The following NRCAM variants were observed in gnomAD, a reference collection of about 807,000 sequenced individuals.
NRCAM encodes neuronal cell adhesion molecule.
NRCAM carries 83 observed loss-of-function variants against 156.5 expected under a neutral mutation model. The observed-to-expected ratio is 0.53, with a 90% CI of 0.44 to 0.64. The LOEUF (loss-of-function observed/expected upper bound fraction) is 0.64. Ranked by LOEUF, NRCAM falls within the 30% of genes least tolerant of loss-of-function variation. The pLI, the probability that NRCAM is intolerant of heterozygous loss-of-function variation, is 0.00. For synonymous variants in NRCAM, 538 were observed against 563.9 expected, an observed-to-expected ratio of 0.95 and a Z score of 0.65; for missense variants, 1,417 against 1,597.3, an observed-to-expected ratio of 0.89 and a Z score of 1.92.
intron 28 of NRCAM, among the ~76,000 whole-genome samples, chr7:108,174,530 C>A (rs750233346): frequency 6.6e-6 from 1 of 152,232 alleles, no homozygotes; most frequent in East Asian, 1.9e-4. Context: ...ACTGGTCAAC[C>A]AGCAGCCAGG....
At chr7:108,193,147 C>T (rs2073096490) in intron 17 of NRCAM, among the ~76,000 whole-genome samples, 1 of 152,158 alleles carries the variant, frequency 6.6e-6, no homozygotes, top group African/African-American at 2.4e-5. Context: ...CTCAGCCTCC[C>T]AGGTAGCTGG....
intron 25 of NRCAM, among the ~76,000 whole-genome samples, chr7:108,179,290 A>G (rs947534192): frequency 1.3e-5 from 2 of 152,180 alleles, no homozygotes; most frequent in Admixed American, 1.3e-4. Flanking sequence ...TCTAAGGGAC[A>G]GTGAGATTGA....
chr7:108,184,378 T>G, intron 21 of NRCAM, 39 bp downstream of exon 21: 2 of 1,613,644 alleles, frequency 1.2e-6, no homozygotes, highest in Non-Finnish European at 1.7e-6. Flanking sequence ...ACTTTTTTAT[T>G]ATATTTCGTA....
chr7:108,194,528 T>C lies in NRCAM; in HGVS notation c.1464-100A>G, dbSNP rs1587638923. The C allele has an allele frequency of 1.0e-5, 8 of 778,624 alleles. No individual in the cohort carries two copies. The East Asian group carries it at 2.2e-4, about 21-fold the overall frequency. 48.2% of individuals were successfully genotyped at this position (778,624 alleles called of 1,614,324 possible). A position where few individuals can be genotyped will look rare whatever the true frequency, so the allele number is the denominator to read the frequency against. On this transcript the variant is annotated intron_variant, in intron 15 of 32. Coordinates refer to ENST00000379028, the MANE Select transcript of NRCAM (RefSeq NM_001037132.4). The stretch of plus-strand genomic sequence containing the variant: ...AAGGTCAACATGACCATGATGAATG[T>C]GAAAGTTGCAAGGCTAGAAGGATTG...
chr7:108,202,633 C>T (rs2078792873), intron 13 of NRCAM, among the ~76,000 whole-genome samples: 1 of 152,166 alleles, frequency 6.6e-6, no homozygotes, highest in East Asian at 1.9e-4. Context: ...GCCACTGAGC[C>T]CCTTAGTTTT....
At chr7:108,207,451 A>G in intron 13 of NRCAM, 77 bp downstream of exon 13, 1 of 1,434,124 alleles carries the variant, frequency 7.0e-7, no homozygotes, top group Non-Finnish European at 9.4e-7. Context: ...TTATTTTTTT[A>G]TCACCATTTA....
intron 3 of NRCAM, among the ~76,000 whole-genome samples, chr7:108,301,126 C>G (rs930676896): frequency 6.6e-6 from 1 of 152,074 alleles, no homozygotes; most frequent in Non-Finnish European, 1.5e-5. Flanking sequence ...GTAATGAATT[C>G]TCTAACATAA....
chr7:108,293,281 C>T (rs1457917943), intron 3 of NRCAM, among the ~76,000 whole-genome samples: 2 of 152,236 alleles, frequency 1.3e-5, no homozygotes, highest in African/African-American at 2.4e-5. Flanking sequence ...CGGGCGATCA[C>T]GGCTTGGCTA....
At position 108,155,101 on chromosome 7, in the gene NRCAM, T is replaced by TATATATACAC. The variant is rs1270777439; in HGVS notation, c.3677+4361_3677+4362insGTGTATATAT. On this transcript the variant is annotated intron_variant, in intron 32 of 32. Coordinates refer to ENST00000379028, the MANE Select transcript of NRCAM (RefSeq NM_001037132.4). Reference sequence around the variant, plus strand: ...GATTTAAAAGTCATATATATATATATACACACACACACACACACACACACA... The same window carrying TATATATACAC: ...GATTTAAAAGTCATATATATATATATATATATACACACACACACACACACACACACACACA... Among the ~76,000 whole-genome samples the TATATATACAC allele has an allele frequency of 2.0e-3, 249 of 123,086 alleles. 1 individual carries two copies. Among genetic ancestry groups the TATATATACAC allele is most frequent in the African/African-American group, 8.6e-3 (242 of 28,280 alleles). The allele number at this position is 123,086 out of a possible 152,430, so 80.7% of individuals were successfully genotyped here. A position where few individuals can be genotyped will look rare whatever the true frequency, so the allele number is the denominator to read the frequency against.
chr7:108,197,670 C>T (rs1420042985), intron 14 of NRCAM, among the ~76,000 whole-genome samples: 4 of 152,242 alleles, frequency 2.6e-5, no homozygotes, highest in South Asian at 2.1e-4. Context: ...CAGACAAATG[C>T]TATTTTCCTT....
chr7:108,368,724 A>AG (rs2099609598), intron 2 of NRCAM, among the ~76,000 whole-genome samples: 1 of 152,178 alleles, frequency 6.6e-6, no homozygotes, highest in Non-Finnish European at 1.5e-5. Flanking sequence ...TCCTCAAACC[A>AG]GAAAAAAAAA....
Position 108,316,527 on chromosome 7 carries a change from G to C in NRCAM, c.-173-3796C>G, listed in dbSNP as rs576379560. 7.2e-5 allele frequency among the ~76,000 whole-genome samples: 11 copies of C among 152,156 alleles called. No homozygotes were observed. The South Asian group carries it at 2.1e-3, about 29-fold the overall frequency. ...ACGGTGGCTCACGCCTGTAATCCCA[G>C]CACTTTGGGAGGCCGAAGCAGGCAG... On this transcript the variant is annotated intron_variant, in intron 2 of 32. Coordinates refer to ENST00000379028, the MANE Select transcript of NRCAM (RefSeq NM_001037132.4).
intron 8 of NRCAM, 114 bp downstream of exon 8, chr7:108,230,917 G>A (rs2272618): frequency 0.054 from 41,453 of 760,782 alleles, 1,684 homozygotes; most frequent in African/African-American, 0.14. Flanking sequence ...AAGAGCAGCT[G>A]TTTTCCTGAG....
intron 32 of NRCAM, chr7:108,150,602 A>ATTTTTT: frequency 6.9e-6 from 3 of 435,684 alleles, no homozygotes; most frequent in Admixed American, 2.9e-5. Context: ...TGAAATGTGG[A>ATTTTTT]TTTTTTTTTT....
At chr7:108,205,321 A>G (rs948891517) in intron 13 of NRCAM, among the ~76,000 whole-genome samples, 1 of 152,186 alleles carries the variant, frequency 6.6e-6, no homozygotes, top group African/African-American at 2.4e-5. Context: ...TGTGAGCAAT[A>G]TATTTCTGTT....
intron 1 of NRCAM, among the ~76,000 whole-genome samples, chr7:108,414,578 T>C (rs1340054951): frequency 6.6e-6 from 1 of 152,184 alleles, no homozygotes; most frequent in African/African-American, 2.4e-5. Context: ...ACTCTACCTA[T>C]GTAACAATAA....
intron 5 of NRCAM, chr7:108,234,986 T>C: frequency 2.1e-6 from 1 of 475,472 alleles, no homozygotes; most frequent in Non-Finnish European, 3.9e-6. Flanking sequence ...ACAGTTTCTT[T>C]TCTGATGTAA....
chr7:108,268,187 AAAGG>A lies in NRCAM; in HGVS notation c.-106-28021_-106-28018del, dbSNP rs1434042938. Among the ~76,000 whole-genome samples the A allele has an allele frequency of 4.6e-5, 7 of 152,262 alleles. No homozygotes were observed. The East Asian group carries it at 1.3e-3, about 29-fold the overall frequency. On this transcript the variant is annotated intron_variant, in intron 3 of 32. Coordinates refer to ENST00000379028, the MANE Select transcript of NRCAM (RefSeq NM_001037132.4). ...CAAAAAAGTGCTTTTATGTGAATAA[AAAGG>A]AAGTGTATTCGATTTTGTAGAATCA...
At chr7:108,236,206 T>C (rs751831313) in intron 5 of NRCAM, among the ~76,000 whole-genome samples, 11 of 152,198 alleles carry the variant, frequency 7.2e-5, no homozygotes, top group Non-Finnish European at 1.6e-4. Context: ...TATAAATCTA[T>C]AAACCCGGTT....
Sources: gnomAD v4.1 joint callset for allele counts (sites outside exome capture counted in the v4.1 genomes callset) on GRCh38, gnomAD v4.1.1 for gene constraint, MANE v1.5 for transcripts, NCBI Gene and HGNC (gene_info 2026-07-23, HGNC 2026-07-21) for gene names.